The following MTCL2 variants were observed in gnomAD, a reference collection of about 807,000 sequenced individuals.
MTCL2 encodes microtubule crosslinking factor 2.
the MTCL2 span, chr20:36,815,374 C>G: frequency 1.2e-6 from 2 of 1,613,442 alleles, no homozygotes; most frequent in Non-Finnish European, 1.7e-6. The surrounding 1 kb of genome is among the most constrained non-coding windows in gnomAD (Gnocchi z 5.3). Context: ...CGGAAGTCAG[C>G]ACACTCGTTG....
chr20:36,816,830 G>T, the MTCL2 span, among the ~76,000 whole-genome samples: 2 of 152,184 alleles, frequency 1.3e-5, no homozygotes, highest in Admixed American at 6.5e-5. Flanking sequence ...TCAAGCCTGG[G>T]TCTCCAACTC....
the MTCL2 span, among the ~76,000 whole-genome samples, chr20:36,821,643 G>A: frequency 7.2e-5 from 11 of 151,994 alleles, no homozygotes; most frequent in Admixed American, 3.9e-4. Context: ...GCTTGAGCCC[G>A]CAAGGTGGAG....
the MTCL2 span, chr20:36,810,114 T>C: frequency 1.9e-6 from 3 of 1,589,952 alleles, no homozygotes; most frequent in East Asian, 2.3e-5. Flanking sequence ...TGATCTGTGG[T>C]ACAGACAGGG....
At chr20:36,784,939 G>C in the MTCL2 span, 5 of 985,444 alleles carry the variant, frequency 5.1e-6, no homozygotes, top group East Asian at 5.7e-4. Context: ...AACTTGGAGG[G>C]ATCTCCACAC....
At chr20:36,839,795 C>G in the MTCL2 span, among the ~76,000 whole-genome samples, 3 of 152,192 alleles carry the variant, frequency 2.0e-5, no homozygotes, top group Non-Finnish European at 4.4e-5. This position sits in a 1 kb window ranked among gnomAD's most constrained non-coding sequence, Gnocchi z 5.1. Flanking sequence ...CCGAGGAATG[C>G]AGCCCTGCCC....
At chr20:36,815,507 G>A in the MTCL2 span, 1 of 1,582,584 alleles carries the variant, frequency 6.3e-7, no homozygotes, top group East Asian at 2.3e-5. This position sits in a 1 kb window ranked among gnomAD's most constrained non-coding sequence, Gnocchi z 5.3. Flanking sequence ...CCCTGGCTCT[G>A]CAGAGTCGGA....
At chr20:36,828,439 T>A in the MTCL2 span, among the ~76,000 whole-genome samples, 2 of 152,206 alleles carry the variant, frequency 1.3e-5, no homozygotes, top group African/African-American at 4.8e-5. Context: ...ACACACTGTA[T>A]ACCCAACACA....
chr20:36,780,494 A>G, the MTCL2 span: 2 of 152,344 alleles, frequency 1.3e-5, no homozygotes, highest in African/African-American at 2.4e-5. Context: ...AGACCAAATT[A>G]TGTTATGGCC....
the MTCL2 span, chr20:36,786,297 G>A: frequency 1.1e-5 from 14 of 1,287,474 alleles, no homozygotes; most frequent in Non-Finnish European, 1.4e-5. Context: ...TCACCACCCA[G>A]GGGCCAGCAG....
chr20:36,829,513 CTTTTTTTTTTT>C, the MTCL2 span, among the ~76,000 whole-genome samples: 3 of 106,526 alleles, frequency 2.8e-5, no homozygotes, highest in African/African-American at 1.1e-4. Context: ...TTACCTGAGG[CTTTTTTTTTTT>C]TTTTTTTTTT....
At chr20:36,790,908 A>C in the MTCL2 span, among the ~76,000 whole-genome samples, 1 of 152,074 alleles carries the variant, frequency 6.6e-6, no homozygotes, top group African/African-American at 2.4e-5. Flanking sequence ...GATGTTTTTA[A>C]ATGTCAGCCA....
the MTCL2 span, among the ~76,000 whole-genome samples, chr20:36,821,875 A>G: frequency 6.6e-6 from 1 of 152,160 alleles, no homozygotes; most frequent in African/African-American, 2.4e-5. Context: ...ACATACTACT[A>G]CCTGCTGGGG....
the MTCL2 span, among the ~76,000 whole-genome samples, chr20:36,791,232 A>G: frequency 2.6e-5 from 4 of 151,364 alleles, no homozygotes; most frequent in Admixed American, 6.6e-5. Context: ...ACAGGGTTTC[A>G]CCATATTGGC....
At chr20:36,848,838 T>A in the MTCL2 span, among the ~76,000 whole-genome samples, 10 of 152,168 alleles carry the variant, frequency 6.6e-5, no homozygotes, top group Non-Finnish European at 1.0e-4. Flanking sequence ...ATCATCATTA[T>A]ATGAGTAATA....
At chr20:36,810,248 G>A in the MTCL2 span, 3 of 1,016,134 alleles carry the variant, frequency 3.0e-6, no homozygotes, top group Admixed American at 2.6e-5. Context: ...CAGGCAGAAT[G>A]ACTGTCCCCA....
At chr20:36,858,164 G>T in the MTCL2 span, among the ~76,000 whole-genome samples, 1 of 152,070 alleles carries the variant, frequency 6.6e-6, no homozygotes, top group Non-Finnish European at 1.5e-5. Flanking sequence ...AACCTGGGTT[G>T]GAATCCTGGC....
the MTCL2 span, chr20:36,815,098 A>G: frequency 6.6e-7 from 1 of 1,525,900 alleles, no homozygotes; most frequent in Non-Finnish European, 8.8e-7. The surrounding 1 kb of genome is among the most constrained non-coding windows in gnomAD (Gnocchi z 5.3). Context: ...AAAAATAAAT[A>G]ATAGGATCTG....
chr20:36,856,800 C>G, the MTCL2 span, among the ~76,000 whole-genome samples: 2 of 152,226 alleles, frequency 1.3e-5, no homozygotes, highest in Non-Finnish European at 2.9e-5. Flanking sequence ...AGACACAGAC[C>G]AGGATTTCCT....
the MTCL2 span, among the ~76,000 whole-genome samples, chr20:36,790,664 T>A: frequency 7.3e-5 from 11 of 151,510 alleles, no homozygotes; most frequent in African/African-American, 2.4e-4. Context: ...CTTAAATTCC[T>A]GAGCTCAGGC....
Sources: allele counts gnomAD v4.1 joint callset (sites outside exome capture counted in the v4.1 genomes callset), GRCh38; gene constraint gnomAD v4.1.1; non-coding constraint Gnocchi (gnomAD v3.1); transcripts MANE v1.5; gene names NCBI Gene and HGNC (gene_info 2026-07-23, HGNC 2026-07-21).